Variants in CABCOCO1 observed in about 807,000 individuals in gnomAD.
CABCOCO1 encodes the protein ciliary-associated calcium-binding coiled-coil protein 1.
A neutral mutation model predicts 35.7 loss-of-function variants in CABCOCO1; 28 were observed. The ratio of observed to expected loss-of-function variants is 0.78; its 90% CI spans 0.58 to 1.07. The LOEUF is 1.07. Among genes scored for constraint, CABCOCO1 ranks in the 50% least tolerant of loss-of-function variants. The probability of loss-of-function intolerance (pLI) is 0.00; values close to 1 mark genes in which losing one functional copy is unlikely to be tolerated. For synonymous variants in CABCOCO1, 95 were observed against 100.1 expected (o/e 0.95, Z 0.30); for missense variants, 326 against 309.2 (o/e 1.05, Z -0.41).
At chr10:61,690,927 A>G (rs1283022618) in intron 5 of CABCOCO1, among the ~76,000 whole-genome samples, 15 of 152,140 alleles carry the variant, frequency 9.9e-5, no homozygotes, top group Admixed American at 9.2e-4. Context: ...AAAAACAACT[A>G]GTAATTTGCA....
At chr10:61,764,373 C>T (rs1321508832) in intron 7 of CABCOCO1, among the ~76,000 whole-genome samples, 1 of 152,058 alleles carries the variant, frequency 6.6e-6, no homozygotes, top group Non-Finnish European at 1.5e-5. Context: ...TTAAGTATTT[C>T]ATGACATCAT....
chr10:61,763,528 C>T (rs1281096017), intron 7 of CABCOCO1, among the ~76,000 whole-genome samples: 7 of 151,836 alleles, frequency 4.6e-5, no homozygotes, highest in Non-Finnish European at 1.0e-4. Flanking sequence ...AAATTATACC[C>T]AAGGGAGCAA....
At chr10:61,755,132 G>A (rs903633445) in intron 5 of CABCOCO1, among the ~76,000 whole-genome samples, 3 of 152,062 alleles carry the variant, frequency 2.0e-5, no homozygotes, top group Admixed American at 6.6e-5. Context: ...TTTAAAAATG[G>A]ATTAATTAGT....
At chr10:61,742,558 C>A (rs1017247573) in intron 5 of CABCOCO1, among the ~76,000 whole-genome samples, 1 of 152,108 alleles carries the variant, frequency 6.6e-6, no homozygotes, top group Non-Finnish European at 1.5e-5. Flanking sequence ...AATTGTGGGG[C>A]CTTGGAACAG....
chr10:61,693,723 T>C (rs1415005848), intron 5 of CABCOCO1, among the ~76,000 whole-genome samples: 1 of 152,110 alleles, frequency 6.6e-6, no homozygotes, highest in East Asian at 1.9e-4. Flanking sequence ...TTGGTCAGTC[T>C]TCTAACCCTA....
At chr10:61,738,956 G>C (rs1390775790) in intron 5 of CABCOCO1, among the ~76,000 whole-genome samples, 1 of 152,084 alleles carries the variant, frequency 6.6e-6, no homozygotes. Flanking sequence ...TATGCAAATG[G>C]ACATTGCTAA....
chr10:61,755,572 A>G (rs1314003632), intron 5 of CABCOCO1, among the ~76,000 whole-genome samples: 2 of 152,100 alleles, frequency 1.3e-5, no homozygotes, highest in Non-Finnish European at 2.9e-5. Context: ...CTATGGCTCA[A>G]AAAAGCTTGA....
chr10:61,700,179 G>GT (rs1462274555), intron 5 of CABCOCO1, among the ~76,000 whole-genome samples: 2 of 151,998 alleles, frequency 1.3e-5, no homozygotes, highest in African/African-American at 4.8e-5. Context: ...TGTCAAGACT[G>GT]TAAGATACCA....
Position 61,753,333 on chromosome 10 carries a change from A to C in CABCOCO1, c.553-6726A>C, listed in dbSNP as rs1209883635. ...TAGTAAGCTAAACAAATATACTCTGAGTGGCTTGTAAAAAATATTTTGAAA... is the reference window on the plus strand; with the variant it reads ...TAGTAAGCTAAACAAATATACTCTGCGTGGCTTGTAAAAAATATTTTGAAA... On this transcript the variant is annotated intron_variant, in intron 5 of 7. Coordinates refer to ENST00000648843, the MANE Select transcript of CABCOCO1 (RefSeq NM_001366906.2). Among the ~76,000 whole-genome samples, 3 of 152,112 alleles carry C rather than the reference A, an allele frequency of 2.0e-5. No homozygotes were observed. In the East Asian group the frequency reaches 5.8e-4, roughly 29 times the overall value.
At chr10:61,753,114 G>T (rs1018934258) in intron 5 of CABCOCO1, among the ~76,000 whole-genome samples, 1 of 151,286 alleles carries the variant, frequency 6.6e-6, no homozygotes, top group Non-Finnish European at 1.5e-5. Flanking sequence ...TCTCTAATAT[G>T]AGAGTCATGA....
chr10:61,747,187 G>A (rs1841681597), intron 5 of CABCOCO1, among the ~76,000 whole-genome samples: 1 of 152,038 alleles, frequency 6.6e-6, no homozygotes, highest in Non-Finnish European at 1.5e-5. Context: ...CCAATAAGTA[G>A]ATAAATATAC....
intron 5 of CABCOCO1, chr10:61,701,858 T>C (rs1475510505): frequency 1.1e-6 from 1 of 918,364 alleles, no homozygotes; most frequent in Non-Finnish European, 1.3e-6. Context: ...TGTCTTCAAA[T>C]CTAAAGGACT....
intron 5 of CABCOCO1, among the ~76,000 whole-genome samples, chr10:61,699,693 C>G (rs1320218995): frequency 6.6e-6 from 1 of 152,054 alleles, no homozygotes; most frequent in Non-Finnish European, 1.5e-5. Flanking sequence ...ATAAAAAGTG[C>G]TTTCTCTTAC....
intron 4 of CABCOCO1, among the ~76,000 whole-genome samples, chr10:61,688,599 G>T (rs551612859): frequency 6.6e-6 from 1 of 152,070 alleles, no homozygotes; most frequent in East Asian, 1.9e-4. Context: ...CACGTCTGCC[G>T]TTGTGGATTC....
intron 7 of CABCOCO1, among the ~76,000 whole-genome samples, chr10:61,763,611 G>T (rs1277019780): frequency 6.6e-6 from 1 of 151,932 alleles, no homozygotes; most frequent in Non-Finnish European, 1.5e-5. Flanking sequence ...ATTACATGTT[G>T]GCTGTTGGCC....
chr10:61,714,415 G>C (rs1171514074), intron 5 of CABCOCO1, among the ~76,000 whole-genome samples: 1 of 151,854 alleles, frequency 6.6e-6, no homozygotes, highest in East Asian at 1.9e-4. Flanking sequence ...TTCTTTATTA[G>C]TCTTGCTAGT....
intron 5 of CABCOCO1, among the ~76,000 whole-genome samples, chr10:61,728,944 T>G (rs1841229671): frequency 6.6e-6 from 1 of 152,150 alleles, no homozygotes; most frequent in Non-Finnish European, 1.5e-5. Context: ...TAGCACAGCT[T>G]TGAAATATGG....
intron 5 of CABCOCO1, among the ~76,000 whole-genome samples, chr10:61,710,027 C>T (rs1450660554): frequency 1.3e-5 from 2 of 151,712 alleles, no homozygotes; most frequent in Non-Finnish European, 2.9e-5. Flanking sequence ...TTTTTGTTAC[C>T]TCAAAATGTA....
At chr10:61,716,750 A>C (rs7072736) in intron 5 of CABCOCO1, among the ~76,000 whole-genome samples, 2,119 of 152,260 alleles carry the variant, frequency 0.014, 41 homozygotes, top group African/African-American at 0.048. Context: ...GAAAATTGTC[A>C]AGATTCATTT....
Sources: gnomAD v4.1 joint callset for allele counts (sites outside exome capture counted in the v4.1 genomes callset) on GRCh38, gnomAD v4.1.1 for gene constraint, MANE v1.5 for transcripts, NCBI Gene and HGNC (gene_info 2026-07-23, HGNC 2026-07-21) for gene names.